The following DTHD1 variants were observed in gnomAD, a reference collection of about 807,000 sequenced individuals.
DTHD1 encodes death domain containing 1.
In DTHD1, 59 loss-of-function variants were observed where a neutral mutation model predicts 74.8. The observed-to-expected ratio is 0.79, with a 90% confidence interval of 0.64 to 0.98. The LOEUF is 0.98. Among genes scored for constraint, DTHD1 ranks in the 50% least tolerant of loss-of-function variants. The pLI is 0.00. For missense variants in DTHD1, 1,051 were observed against 1,065.4 expected (o/e 0.99, Z 0.19); for synonymous variants, 365 against 371.1 (o/e 0.98, Z 0.19).
At chr4:36,338,804 C>T (rs1271103681) in intron 8 of DTHD1, among the ~76,000 whole-genome samples, 3 of 152,026 alleles carry the variant, frequency 2.0e-5, no homozygotes, top group Non-Finnish European at 4.4e-5. Context: ...TTGCTCTACG[C>T]TAGTTGGTTT....
intron 8 of DTHD1, among the ~76,000 whole-genome samples, chr4:36,318,033 G>A (rs1757828606): frequency 6.6e-6 from 1 of 152,190 alleles, no homozygotes. Context: ...TATGCCAAAG[G>A]CCTTTCAAAT....
chr4:36,299,236 T>A (rs1444489336), intron 5 of DTHD1, among the ~76,000 whole-genome samples: 2 of 152,230 alleles, frequency 1.3e-5, no homozygotes, highest in Non-Finnish European at 2.9e-5. Flanking sequence ...GTTGAGTAAC[T>A]CTGGTTTGTT....
At chr4:36,284,719 A>G in intron 2 of DTHD1, 128 bp downstream of exon 2, 2 of 763,990 alleles carry the variant, frequency 2.6e-6, no homozygotes, top group Non-Finnish European at 3.9e-6. Flanking sequence ...CTTTTAAACA[A>G]CAGATATTTA....
intron 5 of DTHD1, among the ~76,000 whole-genome samples, chr4:36,297,855 T>C (rs995554166): frequency 2.6e-5 from 4 of 152,160 alleles, no homozygotes; most frequent in African/African-American, 9.7e-5. Flanking sequence ...TTCTTGCTTT[T>C]TAGATCCTTG....
chr4:36,302,154 A>T (rs1756815217), intron 5 of DTHD1, among the ~76,000 whole-genome samples: 1 of 152,168 alleles, frequency 6.6e-6, no homozygotes, highest in South Asian at 2.1e-4. Context: ...CACCTTAAAA[A>T]CTATTGCCCG....
chr4:36,346,154 A>G lies in DTHD1; in HGVS notation c.*2330A>G, dbSNP rs866943370. Reference sequence around the variant, plus strand: ...CATATAGTTTCAGATCCACTTGTACACTCTCACAAATGTCCTCGTTCACAT... The same window carrying G: ...CATATAGTTTCAGATCCACTTGTACGCTCTCACAAATGTCCTCGTTCACAT... On this transcript the variant is annotated 3_prime_UTR_variant, in exon 10 of 10. Transcript: ENST00000639862. Among the ~76,000 whole-genome samples, 2 of 151,632 alleles carry G rather than the reference A, an allele frequency of 1.3e-5. No homozygotes were observed. Among genetic ancestry groups the G allele is most frequent in the Non-Finnish European group, 2.9e-5 (2 of 67,906 alleles).
intron 7 of DTHD1, among the ~76,000 whole-genome samples, chr4:36,308,746 A>G (rs1281182395): frequency 2.6e-5 from 4 of 152,186 alleles, no homozygotes; most frequent in Admixed American, 2.6e-4. Flanking sequence ...CTTCACAGTT[A>G]CTATCTGAGT....
At chr4:36,310,764 T>G (rs552391828) in intron 7 of DTHD1, among the ~76,000 whole-genome samples, 115 of 152,268 alleles carry the variant, frequency 7.6e-4, no homozygotes, top group Admixed American at 2.6e-3. Flanking sequence ...GTCCCAATTT[T>G]AAGTGTCTAT....
At position 36,346,855 on chromosome 4, in the gene DTHD1, A is replaced by T. The variant is rs1759612753; in HGVS notation, c.*3031A>T. ...AGCCAACTCTCTCCTGTGCTTTGGT[A>T]ACTGGTCTTCTTCTTGTCTCTTCAA... On this transcript the variant is annotated 3_prime_UTR_variant, in exon 10 of 10. Transcript: ENST00000639862. Among the ~76,000 whole-genome samples the T allele has an allele frequency of 6.6e-6, 1 of 152,044 alleles. No homozygotes were observed. Among genetic ancestry groups the T allele is most frequent in the Non-Finnish European group, 1.5e-5 (1 of 68,026 alleles).
At chr4:36,340,805 A>C (rs1759274110) in intron 9 of DTHD1, among the ~76,000 whole-genome samples, 1 of 152,144 alleles carries the variant, frequency 6.6e-6, no homozygotes, top group Non-Finnish European at 1.5e-5. Flanking sequence ...TGATGCATTC[A>C]TTGAGGGGTG....
rs150903588 is a variant in DTHD1, at chr4:36,308,511, T to G, written c.2095+18T>G. ...TGCTTCAAGTAAGTATAAAGAAATC[T>G]TTTTATATATTTTATTGGCTATAAG... On this transcript the variant is annotated intron_variant, in intron 7 of 9. Coordinates refer to ENST00000639862, the MANE Select transcript of DTHD1 (RefSeq NM_001170700.3). 882 of 1,523,094 alleles carry G rather than the reference T, an allele frequency of 5.8e-4. 4 individuals carry two copies. In the African/African-American group the frequency reaches 0.011, roughly 19 times the overall value. The allele number at this position is 1,523,094 out of a possible 1,614,324, so 94.3% of individuals were successfully genotyped here.
intron 7 of DTHD1, among the ~76,000 whole-genome samples, chr4:36,315,986 AGTGCAGTGGCGT>A (rs1757689421): frequency 6.6e-6 from 1 of 152,186 alleles, no homozygotes; most frequent in South Asian, 2.1e-4. Context: ...CCCAGGCTGG[AGTGCAGTGGCGT>A]GATCTCCGCT....
intron 8 of DTHD1, among the ~76,000 whole-genome samples, chr4:36,336,500 G>A (rs187819433): frequency 1.3e-5 from 2 of 152,306 alleles, no homozygotes; most frequent in East Asian, 1.9e-4. Flanking sequence ...TGGAAAGCAC[G>A]CAGGAGTCAT....
chr4:36,297,139 G>A (rs929876380), intron 5 of DTHD1, among the ~76,000 whole-genome samples: 2 of 152,164 alleles, frequency 1.3e-5, no homozygotes, highest in African/African-American at 4.8e-5. Context: ...TGTTGAGTAG[G>A]CTGAGGAGGA....
chr4:36,329,637 T>C, intron 8 of DTHD1, among the ~76,000 whole-genome samples: 1 of 152,248 alleles, frequency 6.6e-6, no homozygotes, highest in Non-Finnish European at 1.5e-5. Context: ...TGCTTGCTTA[T>C]ACTGCTGTTT....
At position 36,306,241 on chromosome 4, in the gene DTHD1, T is replaced by G; in HGVS notation, c.1694T>G (p.Leu565Trp). The change falls in exon 6 of 10, where the codon TTG (leucine) becomes TGG (tryptophan). Residue 565 changes from leucine to tryptophan, a missense_variant. Coordinates refer to ENST00000639862, the MANE Select transcript of DTHD1 (RefSeq NM_001170700.3). ...CCTAGGAAAAATGCCAGTGAATGTT[T>G]GAAATTACTGGGATTCAGAAGCCAA... ...RKPRKNASEC[L>W]KLLGFRSQDS... 1 of 1,551,902 alleles carries G rather than the reference T, an allele frequency of 6.4e-7. No individual in the cohort carries two copies. The highest frequency in any genetic ancestry group is 8.7e-7 in the Non-Finnish European group (1 of 1,147,026).
intron 5 of DTHD1, among the ~76,000 whole-genome samples, chr4:36,299,108 T>C (rs1756611316): frequency 6.6e-6 from 1 of 152,088 alleles, no homozygotes; most frequent in Admixed American, 6.6e-5. Context: ...ATTTAACCAC[T>C]ATTCTGAAAT....
chr4:36,335,399 A>AT (rs914345573), intron 8 of DTHD1, among the ~76,000 whole-genome samples: 110 of 151,614 alleles, frequency 7.3e-4, no homozygotes, highest in African/African-American at 1.8e-3. Flanking sequence ...ATTTTTTTGT[A>AT]TTTTTTTTGT....
chr4:36,291,438 A>G (rs909471069), intron 3 of DTHD1, among the ~76,000 whole-genome samples: 2 of 152,236 alleles, frequency 1.3e-5, no homozygotes, highest in African/African-American at 2.4e-5. Flanking sequence ...TTGTTAATAA[A>G]TTATCATTTT....
Sources: allele counts gnomAD v4.1 joint callset (sites outside exome capture counted in the v4.1 genomes callset), GRCh38; gene constraint gnomAD v4.1.1; transcripts MANE v1.5; gene names NCBI Gene and HGNC (gene_info 2026-07-23, HGNC 2026-07-21).